EZH2: variants seen among roughly 807,000 people sequenced by gnomAD.
The protein encoded by EZH2 is histone-lysine N-methyltransferase EZH2.
EZH2 carries 18 observed loss-of-function variants against 98.4 expected under a neutral mutation model. The ratio of observed to expected loss-of-function variants is 0.18; its 90% confidence interval spans 0.13 to 0.27. The LOEUF (loss-of-function observed/expected upper bound fraction) is 0.27, where lower values mean the gene tolerates loss of function less well. Among genes scored for constraint, EZH2 ranks in the 10% least tolerant of loss-of-function variants. The pLI is 1.00. For synonymous variants in EZH2, 338 were observed against 312.3 expected, an observed-to-expected ratio of 1.08 and a Z score of -0.87; for missense variants, 470 against 935.1, an observed-to-expected ratio of 0.50 and a Z score of 6.49.
intron 1 of EZH2, among the ~76,000 whole-genome samples, chr7:148,858,666 C>T (rs539097255): frequency 2.6e-5 from 4 of 152,232 alleles, no homozygotes; most frequent in Non-Finnish European, 4.4e-5. Context: ...CTGGGGACTA[C>T]AGGTGTACTC....
rs1342488754 is a variant in EZH2, at chr7:148,850,161, G to T, written c.-7-2856C>A. Among the ~76,000 whole-genome samples the T allele has an allele frequency of 3.9e-5, 6 of 152,016 alleles. No individual in the cohort carries two copies. In the East Asian group the frequency reaches 1.2e-3, roughly 29 times the overall value. On this transcript the variant is annotated intron_variant, in intron 1 of 19. Transcript: ENST00000320356. Reference sequence around the variant, plus strand: ...AGCCTCCCAAGTAGGTGGGACTACCGGTGCCCGCCACCACGCCAGGCTAAT... The same window carrying T: ...AGCCTCCCAAGTAGGTGGGACTACCTGTGCCCGCCACCACGCCAGGCTAAT...
intron 1 of EZH2, among the ~76,000 whole-genome samples, chr7:148,863,096 A>AAG (rs1554421265): frequency 6.9e-6 from 1 of 144,536 alleles, no homozygotes; most frequent in African/African-American, 2.6e-5. Context: ...AAAAAAAAAA[A>AAG]AAAGAAAGAA....
chr7:148,866,150 A>G (rs1430464657), intron 1 of EZH2, among the ~76,000 whole-genome samples: 1 of 152,140 alleles, frequency 6.6e-6, no homozygotes, highest in African/African-American at 2.4e-5. Context: ...AAAATTTATC[A>G]CAAATATAAA....
intron 1 of EZH2, among the ~76,000 whole-genome samples, chr7:148,880,987 C>T (rs552284898): frequency 6.6e-6 from 1 of 152,302 alleles, no homozygotes; most frequent in South Asian, 2.1e-4. Context: ...CAGGGAAGAC[C>T]TCCAGAAGGT....
In EZH2 at chr7:148,819,623, A is replaced by C. The variant is rs574201179; in HGVS notation, c.972T>G (p.Pro324=). The C allele has an allele frequency of 1.0e-4, 165 of 1,614,106 alleles. 2 individuals carry two copies. In the South Asian group the frequency reaches 1.6e-3, roughly 16 times the overall value. Residue 324 remains proline (P), a synonymous_variant, in exon 9 of 20, where the codon CCT becomes CCG. Transcript: ENST00000320356. ...KNTETALDNK[P]CGPQCYQHLE... is the part of the protein sequence containing the mutation. ...AATGCTGGTAACACTGTGGTCCACAAGGTTTGTTGTCTAGAGCTGTTTCTG... is the reference window on the plus strand; with the variant it reads ...AATGCTGGTAACACTGTGGTCCACACGGTTTGTTGTCTAGAGCTGTTTCTG...
chr7:148,880,987 CTCCAGA>C (rs1820872492), intron 1 of EZH2, among the ~76,000 whole-genome samples: 1 of 152,184 alleles, frequency 6.6e-6, no homozygotes, highest in Non-Finnish European at 1.5e-5. Context: ...CAGGGAAGAC[CTCCAGA>C]AGGTAAAGTA....
chr7:148,854,148 TC>T (rs1816375099), intron 1 of EZH2, among the ~76,000 whole-genome samples: 1 of 152,194 alleles, frequency 6.6e-6, no homozygotes, highest in Admixed American at 6.5e-5. Flanking sequence ...CCTTATTGCT[TC>T]TTTAAAAATT....
chr7:148,861,355 T>G (rs1364274348), intron 1 of EZH2, among the ~76,000 whole-genome samples: 14 of 151,742 alleles, frequency 9.2e-5, no homozygotes, highest in Admixed American at 9.2e-4. Context: ...GCCTCCTGAG[T>G]AGCTGGGATT....
intron 1 of EZH2, among the ~76,000 whole-genome samples, chr7:148,874,854 G>A (rs1819963775): frequency 6.7e-6 from 1 of 148,668 alleles, no homozygotes; most frequent in East Asian, 2.0e-4. Context: ...CCGAGATCGC[G>A]CCACCGCACT....
At chr7:148,868,022 C>A (rs1217961853) in intron 1 of EZH2, among the ~76,000 whole-genome samples, 1 of 152,198 alleles carries the variant, frequency 6.6e-6, no homozygotes, top group East Asian at 1.9e-4. Context: ...CCATCTCTGT[C>A]CATATCACTA....
At chr7:148,820,785 ACTT>A (rs966010455) in intron 8 of EZH2, among the ~76,000 whole-genome samples, 5 of 152,196 alleles carry the variant, frequency 3.3e-5, no homozygotes, top group African/African-American at 9.6e-5. Context: ...TACAAAAACC[ACTT>A]CTTAACAAAA....
At chr7:148,847,365 G>A in intron 1 of EZH2, 60 bp from the exon 2 acceptor site, 1 of 1,591,246 alleles carries the variant, frequency 6.3e-7, no homozygotes, top group Non-Finnish European at 8.5e-7. Flanking sequence ...ATGATCACCT[G>A]TGTTTTAATC....
At chr7:148,851,026 T>C (rs1031387315) in intron 1 of EZH2, among the ~76,000 whole-genome samples, 8 of 151,980 alleles carry the variant, frequency 5.3e-5, no homozygotes, top group East Asian at 1.9e-4. Flanking sequence ...GAAGGTGAAA[T>C]TGTAGATTGG....
intron 14 of EZH2, 55 bp downstream of exon 14, chr7:148,814,859 T>C: frequency 6.4e-7 from 1 of 1,562,272 alleles, no homozygotes; most frequent in South Asian, 1.2e-5. Flanking sequence ...TTTAAATTGC[T>C]AACCAAAGAC....
At chr7:148,864,173 T>TA (rs1325135317) in intron 1 of EZH2, among the ~76,000 whole-genome samples, 1 of 152,184 alleles carries the variant, frequency 6.6e-6, no homozygotes, top group Non-Finnish European at 1.5e-5. Flanking sequence ...TCCACAACAG[T>TA]AAGATCACTT....
rs1814073934 is a variant in EZH2, at chr7:148,846,496, C to T, written c.220G>A (p.Val74Met). The change falls in exon 3 of 20, where the codon GTG (valine) becomes ATG (methionine). Residue 74 changes from valine to methionine, a missense_variant. This residue lies in a region of EZH2 where 79 missense variants were observed against 122.1 expected (regional missense o/e 0.65). Coordinates refer to ENST00000320356, the MANE Select transcript of EZH2 (RefSeq NM_004456.5). ...RIQPVHILTS[V>M]SSLRGTRECS... ...TCCCTAGTCCCGCGCAATGAGCTCA[C>T]AGAAGTCAGGATGTGCACAGGCTGT... 1 of 1,613,620 alleles carries T rather than the reference C, an allele frequency of 6.2e-7. No individual in the cohort carries two copies. Among genetic ancestry groups the T allele is most frequent in the African/African-American group, 1.3e-5 (1 of 74,886 alleles).
At chr7:148,829,933 G>A (rs1808866398) in intron 4 of EZH2, 85 bp from the exon 5 acceptor site, 1 of 995,348 alleles carries the variant, frequency 1.0e-6, no homozygotes, top group Non-Finnish European at 1.4e-6. Flanking sequence ...TTTTTCATGT[G>A]TACATGTCTT....
intron 1 of EZH2, among the ~76,000 whole-genome samples, chr7:148,875,817 T>C (rs1017562539): frequency 2.0e-5 from 3 of 152,208 alleles, no homozygotes; most frequent in Non-Finnish European, 4.4e-5. Context: ...CATGGGTAAA[T>C]GAATTTAAAA....
In EZH2 at chr7:148,879,405, C is replaced by T. The variant is rs538010641; in HGVS notation, c.-8+4759G>A. 1.9e-4 allele frequency among the ~76,000 whole-genome samples: 29 copies of T among 151,592 alleles called. No homozygotes were observed. In the South Asian group the frequency reaches 5.6e-3, roughly 29 times the overall value. On this transcript the variant is annotated intron_variant, in intron 1 of 19. Transcript: ENST00000320356. The stretch of plus-strand genomic sequence containing the variant: ...GTTTCTACTAAAATATAAAAATTAT[C>T]GGAGGCTGGGCACAGTGACTGACGC...
Sources: gnomAD v4.1 joint callset for allele counts (sites outside exome capture counted in the v4.1 genomes callset) on GRCh38, gnomAD v4.1.1 for gene constraint, gnomAD v4.1.1 regional missense constraint, MANE v1.5 for transcripts, NCBI Gene and HGNC (gene_info 2026-07-23, HGNC 2026-07-21) for gene names.